ANO4: variants seen among roughly 807,000 people sequenced by gnomAD.
The protein encoded by ANO4 is anoctamin-4.
ANO4 carries 69 observed loss-of-function variants against 141.9 expected under a neutral mutation model. The ratio of observed to expected loss-of-function variants is 0.49; its 90% confidence interval spans 0.40 to 0.59. The LOEUF (loss-of-function observed/expected upper bound fraction) is 0.59, where lower values mean the gene tolerates loss of function less well. Among genes scored for constraint, ANO4 ranks in the 20% least tolerant of loss-of-function variants. The pLI is 0.00. For missense variants in ANO4, 894 were observed against 1,162.2 expected, an observed-to-expected ratio of 0.77 and a Z score of 3.36; for synonymous variants, 350 against 394.3, an observed-to-expected ratio of 0.89 and a Z score of 1.33.
Position 100,947,582 on chromosome 12 carries a change from G to A in ANO4, c.456+5047G>A, listed in dbSNP as rs149713464. On this transcript the variant is annotated intron_variant, in intron 5 of 27. Transcript: ENST00000392977. ...TTCTGTTTGCACTCATCTCTCAGAA[G>A]GAGTGAAAAATCCAACTGCAGTAAA... Among the ~76,000 whole-genome samples, 1,368 of 152,300 alleles carry A rather than the reference G, an allele frequency of 9.0e-3. 27 individuals carry two copies. The highest frequency in any genetic ancestry group is 0.031 in the African/African-American group (1,302 of 41,548).
At chr12:101,081,204 A>C (rs1327177650) in intron 15 of ANO4, among the ~76,000 whole-genome samples, 1 of 151,916 alleles carries the variant, frequency 6.6e-6, no homozygotes, top group East Asian at 1.9e-4. Flanking sequence ...GGGATGGAAA[A>C]TATTCTTTCC....
intron 5 of ANO4, among the ~76,000 whole-genome samples, chr12:100,963,730 C>T (rs967619404): frequency 3.3e-5 from 5 of 152,010 alleles, no homozygotes; most frequent in African/African-American, 4.8e-5. Flanking sequence ...AGATGATAGC[C>T]CCACTGAGAG....
chr12:100,947,619 A>G (rs557061556), intron 5 of ANO4, among the ~76,000 whole-genome samples: 1 of 152,348 alleles, frequency 6.6e-6, no homozygotes, highest in African/African-American at 2.4e-5. Context: ...ACACACACAC[A>G]TGCATGAGCA....
At chr12:100,864,159 A>G (rs562210893) in intron 1 of ANO4, among the ~76,000 whole-genome samples, 29 of 152,250 alleles carry the variant, frequency 1.9e-4, no homozygotes, top group African/African-American at 6.7e-4. Context: ...GACTCTAACA[A>G]TGTCGTATGC....
At chr12:100,776,032 T>G (rs967612714) in intron 3 of ANO4, among the ~76,000 whole-genome samples, 3 of 152,204 alleles carry the variant, frequency 2.0e-5, no homozygotes, top group East Asian at 3.8e-4. Context: ...TAATACTTAG[T>G]GAGTGCTTAC....
intron 14 of ANO4, among the ~76,000 whole-genome samples, chr12:101,067,353 T>C (rs1352500646): frequency 1.3e-5 from 2 of 152,242 alleles, no homozygotes; most frequent in African/African-American, 2.4e-5. Flanking sequence ...GTAGAATTGA[T>C]TTCTAGGAAA....
At chr12:100,844,210 A>G (rs1269089741) in intron 1 of ANO4, among the ~76,000 whole-genome samples, 1 of 152,144 alleles carries the variant, frequency 6.6e-6, no homozygotes. Context: ...GAACAGGCCA[A>G]TGGAATGGGT....
chr12:101,047,777 G>C (rs1325522621), intron 13 of ANO4, among the ~76,000 whole-genome samples: 1 of 152,182 alleles, frequency 6.6e-6, no homozygotes, highest in Non-Finnish European at 1.5e-5. Flanking sequence ...GTTATGTGCA[G>C]TAGGTAAATA....
chr12:100,926,958 A>G (rs1436013702), intron 3 of ANO4, among the ~76,000 whole-genome samples: 2 of 152,124 alleles, frequency 1.3e-5, no homozygotes, highest in East Asian at 3.9e-4. Context: ...GGCCTGAGAA[A>G]GGAACTTAGG....
At chr12:100,717,674 C>T (rs1032829777) in intron 1 of ANO4, 3 of 394,658 alleles carry the variant, frequency 7.6e-6, no homozygotes, top group Non-Finnish European at 9.0e-6. Context: ...AGGGAGACGG[C>T]GGCCGTGCGC....
In ANO4 at chr12:100,928,663, G is replaced by A. The variant is rs551354309; in HGVS notation, c.160+6333G>A. Among the ~76,000 whole-genome samples, 8 of 152,214 alleles carry A rather than the reference G, an allele frequency of 5.3e-5. No individual in the cohort carries two copies. In the South Asian group the frequency reaches 1.4e-3, roughly 28 times the overall value. Reference sequence around the variant, plus strand: ...CCTCACTTTATGTTATGGAAAGGTCGCCAAGGCTAATGAATGAGCAAAGAT... The same window carrying A: ...CCTCACTTTATGTTATGGAAAGGTCACCAAGGCTAATGAATGAGCAAAGAT... On this transcript the variant is annotated intron_variant, in intron 3 of 27. Coordinates refer to ENST00000392977, the MANE Select transcript of ANO4 (RefSeq NM_001286615.2).
intron 3 of ANO4, among the ~76,000 whole-genome samples, chr12:100,928,953 C>A (rs2041982383): frequency 6.6e-6 from 1 of 152,112 alleles, no homozygotes; most frequent in Admixed American, 6.5e-5. Flanking sequence ...CAGGTGATGA[C>A]AATGACATCT....
At chr12:101,101,259 T>C (rs755614647) in intron 22 of ANO4, among the ~76,000 whole-genome samples, 3 of 152,218 alleles carry the variant, frequency 2.0e-5, no homozygotes, top group Non-Finnish European at 4.4e-5. Flanking sequence ...CCTTTGTTAT[T>C]CTCCATTTAA....
intron 1 of ANO4, among the ~76,000 whole-genome samples, chr12:100,810,717 T>A (rs775513005): frequency 6.6e-6 from 1 of 152,002 alleles, no homozygotes; most frequent in Non-Finnish European, 1.5e-5. Context: ...AGATAACTGC[T>A]AAGTGTAGAT....
chr12:100,917,150 C>T (rs1054987190), intron 2 of ANO4, among the ~76,000 whole-genome samples: 2 of 152,038 alleles, frequency 1.3e-5, no homozygotes, highest in African/African-American at 4.8e-5. Flanking sequence ...AACTTAAAGA[C>T]AAAATGGAGA....
intron 1 of ANO4, among the ~76,000 whole-genome samples, chr12:100,853,510 G>C (rs1321165582): frequency 6.6e-6 from 1 of 151,810 alleles, no homozygotes; most frequent in African/African-American, 2.4e-5. Flanking sequence ...GTTTCTTTTT[G>C]AGCTTTTGCT....
intron 14 of ANO4, among the ~76,000 whole-genome samples, chr12:101,062,982 G>A (rs2048413381): frequency 6.6e-6 from 1 of 152,208 alleles, no homozygotes; most frequent in Non-Finnish European, 1.5e-5. Context: ...AGGCTGCCCA[G>A]CTTTGTGCTT....
chr12:101,079,776 G>A (rs1054672523), intron 15 of ANO4, among the ~76,000 whole-genome samples: 11 of 152,108 alleles, frequency 7.2e-5, no homozygotes, highest in Non-Finnish European at 1.6e-4. Context: ...CTTGGGAGAC[G>A]TGGTTAAATG....
At chr12:101,009,026 G>T (rs187101324) in intron 8 of ANO4, among the ~76,000 whole-genome samples, 7 of 152,158 alleles carry the variant, frequency 4.6e-5, no homozygotes, top group Non-Finnish European at 1.0e-4. Context: ...TTACGTGGAT[G>T]ATATTATTTT....
Sources: allele counts gnomAD v4.1 joint callset (sites outside exome capture counted in the v4.1 genomes callset), GRCh38; gene constraint gnomAD v4.1.1; transcripts MANE v1.5; gene names NCBI Gene and HGNC (gene_info 2026-07-23, HGNC 2026-07-21).